CELF4: variants seen among roughly 807,000 people sequenced by gnomAD.
CELF4 encodes the protein CUG-BP- and ETR-3-like factor 4.
In CELF4, 18 loss-of-function variants were observed where a neutral mutation model predicts 59.9. The observed-to-expected ratio is 0.30, with a 90% confidence interval of 0.21 to 0.45. The LOEUF (loss-of-function observed/expected upper bound fraction) is 0.45. CELF4 is among the 20% of genes least tolerant of loss of function. The pLI is 1.00. For synonymous variants in CELF4, 261 were observed against 267.1 expected, an observed-to-expected ratio of 0.98 and a Z score of 0.22; for missense variants, 456 against 689.0, an observed-to-expected ratio of 0.66 and a Z score of 3.79.
intron 2 of CELF4, among the ~76,000 whole-genome samples, chr18:37,342,024 G>A (rs2098064697): frequency 2.0e-5 from 3 of 152,042 alleles, no homozygotes; most frequent in African/African-American, 7.3e-5. Context: ...TTGGTGTTGT[G>A]TGTGTGCGTG....
intron 2 of CELF4, among the ~76,000 whole-genome samples, chr18:37,398,374 T>C (rs191577061): frequency 1.3e-5 from 2 of 152,300 alleles, no homozygotes; most frequent in East Asian, 3.9e-4. Context: ...CAATGACCTT[T>C]AGAGAGAAGG....
In CELF4 at chr18:37,254,004, A is replaced by G. The variant is rs1056700435; in HGVS notation, c.1334-66T>C. 2.5e-5 allele frequency: 5 copies of G among 199,920 alleles called. No individual in the cohort carries two copies. The highest frequency in any genetic ancestry group is 3.6e-5 in the Non-Finnish European group (4 of 111,746). 12.4% of individuals were successfully genotyped at this position (199,920 alleles called of 1,614,324 possible). On this transcript the variant is annotated intron_variant, in intron 11 of 12. Coordinates refer to ENST00000420428, the MANE Select transcript of CELF4 (RefSeq NM_020180.4). This position sits in a 1 kb window ranked among gnomAD's most constrained non-coding sequence, Gnocchi z 5.1. ...GCCGCCCGGGGCGCTGCCGGCGGGG[A>G]GGGGTCGGGGGACAGGGGGGCGGGG...
intron 1 of CELF4, among the ~76,000 whole-genome samples, chr18:37,535,712 C>G (rs2099972961): frequency 6.6e-6 from 1 of 152,208 alleles, no homozygotes; most frequent in Non-Finnish European, 1.5e-5. Flanking sequence ...CTGAGCACCC[C>G]TGGGGAAAGG....
chr18:37,443,802 C>T (rs1189291751), intron 2 of CELF4, among the ~76,000 whole-genome samples: 1 of 152,162 alleles, frequency 6.6e-6, no homozygotes, highest in Non-Finnish European at 1.5e-5. Flanking sequence ...ATCCCTTTTG[C>T]GCATAATTCA....
chr18:37,450,072 G>C (rs937222666), intron 2 of CELF4, among the ~76,000 whole-genome samples: 2 of 152,186 alleles, frequency 1.3e-5, no homozygotes, highest in East Asian at 1.9e-4. Context: ...GGGCCAGGGT[G>C]GGGGAAGAAA....
chr18:37,266,581 C>T lies in CELF4; in HGVS notation c.1117G>A (p.Ala373Thr), dbSNP rs182148802. The T allele has an allele frequency of 3.3e-5, 53 of 1,594,154 alleles. No homozygotes were observed. The highest frequency in any genetic ancestry group is 8.0e-5 in the South Asian group (7 of 87,394). ...HPYPAQSPTAADPLQQAYAGV... is the reference protein window; with the variant it reads ...HPYPAQSPTATDPLQQAYAGV... ...GCGTAGGCCTGCTGCAGGGGGTCCG[C>T]GGCGGTGGGGCTCTGTGCTGTAGGG... Residue 373 changes from alanine to threonine, a missense_variant, in exon 9 of 13, where the codon GCG becomes ACG. Ala to Thr is a moderately conservative substitution (Grantham distance 58). Around this residue, in one of 7 missense-constraint regions of CELF4, gnomAD observed 256 missense variants for 340.8 expected, o/e 0.75. Coordinates refer to ENST00000420428, the MANE Select transcript of CELF4 (RefSeq NM_020180.4).
At chr18:37,499,712 G>C (rs1288741639) in intron 1 of CELF4, among the ~76,000 whole-genome samples, 5 of 152,206 alleles carry the variant, frequency 3.3e-5, no homozygotes, top group Non-Finnish European at 7.3e-5. Context: ...TCAATGGTTT[G>C]CATGACAGTG....
intron 2 of CELF4, among the ~76,000 whole-genome samples, chr18:37,408,069 A>G (rs1270368852): frequency 5.3e-5 from 8 of 152,164 alleles, no homozygotes; most frequent in Admixed American, 4.6e-4. Context: ...ATGCAGCTGG[A>G]AGGCAGAAAG....
At chr18:37,536,999 T>C (rs964723856) in intron 1 of CELF4, among the ~76,000 whole-genome samples, 1 of 152,156 alleles carries the variant, frequency 6.6e-6, no homozygotes, top group African/African-American at 2.4e-5. Flanking sequence ...CCTGGGACTG[T>C]CCCACAGCAC....
At chr18:37,285,372 C>G (rs746135541) in intron 3 of CELF4, among the ~76,000 whole-genome samples, 2 of 152,270 alleles carry the variant, frequency 1.3e-5, no homozygotes, top group Non-Finnish European at 2.9e-5. Flanking sequence ...TCTCCTCTAA[C>G]TGCACTACCC....
chr18:37,316,583 T>G (rs1569559944), intron 3 of CELF4, among the ~76,000 whole-genome samples: 3 of 152,180 alleles, frequency 2.0e-5, no homozygotes, highest in South Asian at 4.1e-4. Flanking sequence ...CCCTTGGCCT[T>G]GTGTTCGAGG....
At chr18:37,405,034 C>T (rs1467407356) in intron 2 of CELF4, among the ~76,000 whole-genome samples, 1 of 152,246 alleles carries the variant, frequency 6.6e-6, no homozygotes, top group Non-Finnish European at 1.5e-5. Context: ...CAGCCGTTCA[C>T]CCACGGGGCC....
intron 2 of CELF4, among the ~76,000 whole-genome samples, chr18:37,374,857 A>G (rs1030747428): frequency 5.9e-5 from 9 of 152,004 alleles, no homozygotes; most frequent in African/African-American, 1.9e-4. Context: ...CCATCCTCCA[A>G]TCCTCTAAAT....
At chr18:37,548,961 G>T (rs1603643918) in intron 1 of CELF4, among the ~76,000 whole-genome samples, 1 of 152,198 alleles carries the variant, frequency 6.6e-6, no homozygotes, top group Non-Finnish European at 1.5e-5. Flanking sequence ...AGCTGGAGGG[G>T]CCTGTGCATG....
At chr18:37,482,877 G>A (rs2099872061) in intron 2 of CELF4, among the ~76,000 whole-genome samples, 1 of 152,154 alleles carries the variant, frequency 6.6e-6, no homozygotes, top group South Asian at 2.1e-4. Context: ...GAAAGTGGAG[G>A]GCTGATTTTA....
intron 2 of CELF4, among the ~76,000 whole-genome samples, chr18:37,452,749 T>G (rs1490695668): frequency 6.6e-6 from 1 of 152,158 alleles, no homozygotes; most frequent in Non-Finnish European, 1.5e-5. Context: ...ATATGAGTGC[T>G]TCTTATCTTA....
chr18:37,376,981 G>T (rs1465606555), intron 2 of CELF4, among the ~76,000 whole-genome samples: 1 of 152,110 alleles, frequency 6.6e-6, no homozygotes, highest in Non-Finnish European at 1.5e-5. Flanking sequence ...ATGGGGGAGT[G>T]GGCACAGGGG....
intron 1 of CELF4, among the ~76,000 whole-genome samples, chr18:37,514,269 G>A (rs2099948050): frequency 2.0e-5 from 3 of 152,028 alleles, no homozygotes; most frequent in South Asian, 4.2e-4. Context: ...CTGAAAGTAC[G>A]GCCCTCTTCC....
At chr18:37,375,553 C>G (rs947541863) in intron 2 of CELF4, among the ~76,000 whole-genome samples, 24 of 152,170 alleles carry the variant, frequency 1.6e-4, no homozygotes, top group Admixed American at 1.6e-3. Flanking sequence ...GCTTACTTAA[C>G]CCTCCCCACC....
Sources: allele counts gnomAD v4.1 joint callset (sites outside exome capture counted in the v4.1 genomes callset), GRCh38; gene constraint gnomAD v4.1.1; regional missense constraint gnomAD v4.1.1; non-coding constraint Gnocchi (gnomAD v3.1); transcripts MANE v1.5; gene names NCBI Gene and HGNC (gene_info 2026-07-23, HGNC 2026-07-21).